HDAC9: variants seen among roughly 807,000 people sequenced by gnomAD.
HDAC9 encodes the protein MEF-2 interacting transcription repressor (MITR) protein.
Under a neutral mutation model 139.4 loss-of-function variants are expected in HDAC9, and 41 were observed. The ratio of observed to expected loss-of-function variants is 0.29; its 90% CI spans 0.23 to 0.38. The LOEUF (loss-of-function observed/expected upper bound fraction) is 0.38. Among genes scored for constraint, HDAC9 ranks in the 10% least tolerant of loss-of-function variants. HDAC9 has a pLI of 1.00. For missense variants in HDAC9, 1,147 were observed against 1,297.0 expected, an observed-to-expected ratio of 0.88 and a Z score of 1.78; for synonymous variants, 517 against 476.2, an observed-to-expected ratio of 1.09 and a Z score of -1.12.
Position 18,273,373 on chromosome 7 carries a change from C to A in HDAC9, c.25+111024C>A, listed in dbSNP as rs367999692. Among the ~76,000 whole-genome samples the A allele has an allele frequency of 2.2e-4, 33 of 152,128 alleles. No individual in the cohort carries two copies. The South Asian group carries it at 4.8e-3, about 22-fold the overall frequency. ...TGTGAACCACTGCAGCCAGCCTAGA[C>A]TTCTTATAAAGCCATAAGGTATATT... is the stretch of plus-strand genomic sequence containing the variant. On this transcript the variant is annotated intron_variant, in intron 2 of 12. Transcript: ENST00000417496.
chr7:18,820,912 T>C (rs1204906700), intron 17 of HDAC9, among the ~76,000 whole-genome samples: 1 of 152,208 alleles, frequency 6.6e-6, no homozygotes, highest in African/African-American at 2.4e-5. Context: ...TCTTAGTCCA[T>C]TTGTACTGCT....
chr7:18,741,782 A>G (rs1016721196), intron 13 of HDAC9, among the ~76,000 whole-genome samples: 1 of 152,208 alleles, frequency 6.6e-6, no homozygotes, highest in Non-Finnish European at 1.5e-5. Context: ...AAGAACATTC[A>G]TGATTCATGG....
intron 1 of HDAC9, among the ~76,000 whole-genome samples, chr7:18,307,612 G>A (rs1585100688): frequency 6.6e-6 from 1 of 152,206 alleles, no homozygotes; most frequent in East Asian, 1.9e-4. Flanking sequence ...GGGCCAGGCT[G>A]ACCAACATGG....
At chr7:18,854,251 GA>G (rs1380323919) in intron 21 of HDAC9, among the ~76,000 whole-genome samples, 1 of 152,218 alleles carries the variant, frequency 6.6e-6, no homozygotes, top group East Asian at 1.9e-4. Context: ...TGGAGCACAA[GA>G]AAATGAAATG....
intron 1 of HDAC9, among the ~76,000 whole-genome samples, chr7:18,477,323 A>T (rs1795187289): frequency 6.6e-6 from 1 of 152,176 alleles, no homozygotes; most frequent in Non-Finnish European, 1.5e-5. Context: ...GTCCCCACTA[A>T]GTCACAGTTT....
chr7:18,767,011 C>T (rs1040459958), intron 15 of HDAC9, 95 bp from the exon 16 acceptor site: 5 of 519,310 alleles, frequency 9.6e-6, no homozygotes, highest in South Asian at 4.1e-5. Context: ...CGATAAATAC[C>T]ATGTGACATA....
At chr7:18,698,597 T>G (rs756157457) in intron 12 of HDAC9, among the ~76,000 whole-genome samples, 5 of 152,194 alleles carry the variant, frequency 3.3e-5, no homozygotes, top group African/African-American at 1.2e-4. Context: ...ATCAAAGGCC[T>G]GTGTCATTGG....
At chr7:18,113,237 A>G (rs1168410107) in intron 1 of HDAC9, among the ~76,000 whole-genome samples, 3 of 152,234 alleles carry the variant, frequency 2.0e-5, no homozygotes, top group African/African-American at 7.2e-5. Context: ...CAGTTAATTT[A>G]TGAATAAAGT....
intron 12 of HDAC9, chr7:18,667,055 T>C: frequency 1.0e-6 from 1 of 985,480 alleles, no homozygotes. Flanking sequence ...ATGCCAGTAG[T>C]CCTAGGTTAT....
At chr7:18,123,385 T>A (rs988469986) in intron 1 of HDAC9, among the ~76,000 whole-genome samples, 1 of 152,170 alleles carries the variant, frequency 6.6e-6, no homozygotes, top group Non-Finnish European at 1.5e-5. Context: ...AAAAGTTCAT[T>A]TGGAACAGAG....
chr7:18,161,314 C>T (rs936918768), intron 1 of HDAC9, among the ~76,000 whole-genome samples: 3 of 151,798 alleles, frequency 2.0e-5, no homozygotes, highest in Non-Finnish European at 4.4e-5. Flanking sequence ...TATATTGGGG[C>T]AAAAATAGCA....
chr7:18,877,953 G>A (rs955743090), intron 22 of HDAC9, among the ~76,000 whole-genome samples: 27 of 152,048 alleles, frequency 1.8e-4, no homozygotes, highest in Non-Finnish European at 2.6e-4. Context: ...TGCTCTTTAA[G>A]GACCAAGGCT....
intron 1 of HDAC9, among the ~76,000 whole-genome samples, chr7:18,399,586 G>A (rs1787356596): frequency 6.6e-6 from 1 of 152,132 alleles, no homozygotes; most frequent in African/African-American, 2.4e-5. Flanking sequence ...ATAGCAACCA[G>A]GAAAGTGATT....
chr7:18,490,230 TA>T (rs1046439807), intron 1 of HDAC9, among the ~76,000 whole-genome samples: 3 of 152,056 alleles, frequency 2.0e-5, no homozygotes, highest in Admixed American at 6.6e-5. Context: ...GAGGGCTGAT[TA>T]AAATACAGAT....
At chr7:18,726,912 C>T (rs553883242) in intron 12 of HDAC9, among the ~76,000 whole-genome samples, 2 of 152,006 alleles carry the variant, frequency 1.3e-5, no homozygotes, top group Non-Finnish European at 2.9e-5. Flanking sequence ...TTCACTGATT[C>T]GGTAAGTTGG....
chr7:18,285,379 C>T (rs533189350), intron 2 of HDAC9, among the ~76,000 whole-genome samples: 26 of 152,122 alleles, frequency 1.7e-4, no homozygotes, highest in African/African-American at 6.3e-4. Context: ...TGGGAATATA[C>T]ACCATTTGCA....
chr7:18,186,162 C>T (rs1055626180), intron 2 of HDAC9, among the ~76,000 whole-genome samples: 3 of 152,150 alleles, frequency 2.0e-5, no homozygotes, highest in African/African-American at 4.8e-5. Flanking sequence ...TTCTTGTTAT[C>T]GACTGGGCCA....
chr7:18,253,275 G>T (rs534956782), intron 2 of HDAC9, among the ~76,000 whole-genome samples: 1 of 152,298 alleles, frequency 6.6e-6, no homozygotes, highest in Non-Finnish European at 1.5e-5. Context: ...ACCCAGTAAT[G>T]GGATTATTGG....
At chr7:18,409,984 A>T (rs965146414) in intron 1 of HDAC9, among the ~76,000 whole-genome samples, 1 of 152,032 alleles carries the variant, frequency 6.6e-6, no homozygotes, top group Non-Finnish European at 1.5e-5. Context: ...TATTCGTTTT[A>T]TTTTAAATTT....
Sources: allele counts gnomAD v4.1 joint callset (sites outside exome capture counted in the v4.1 genomes callset), GRCh38; gene constraint gnomAD v4.1.1; transcripts MANE v1.5; gene names NCBI Gene and HGNC (gene_info 2026-07-23, HGNC 2026-07-21).